Variants in MGAT5 observed in about 807,000 individuals in gnomAD.
MGAT5 encodes the protein alpha-1,6-mannosylglycoprotein 6-beta-N-acetylglucosaminyltransferase.
MGAT5 carries 30 observed loss-of-function variants against 94.3 expected under a neutral mutation model. That is an observed-to-expected ratio of 0.32 (90% CI 0.24 to 0.43). MGAT5 has a LOEUF of 0.43. MGAT5 is among the 20% of genes least tolerant of loss of function. MGAT5 has a pLI of 1.00. For synonymous variants in MGAT5, 310 were observed against 322.9 expected, an observed-to-expected ratio of 0.96 and a Z score of 0.43; for missense variants, 691 against 905.5, an observed-to-expected ratio of 0.76 and a Z score of 3.04.
chr2:134,435,482 CT>C (rs1170517800), intron 14 of MGAT5, among the ~76,000 whole-genome samples: 1 of 152,202 alleles, frequency 6.6e-6, no homozygotes, highest in African/African-American at 2.4e-5. Flanking sequence ...TTCTAGAATA[CT>C]TACCACCTTT....
At chr2:134,288,993 T>C (rs1573712669) in intron 2 of MGAT5, among the ~76,000 whole-genome samples, 1 of 152,338 alleles carries the variant, frequency 6.6e-6, no homozygotes, top group Admixed American at 6.5e-5. Flanking sequence ...ACCTAGAAGG[T>C]GAAAGACTTG....
intron 9 of MGAT5, among the ~76,000 whole-genome samples, chr2:134,359,591 T>G (rs74424974): frequency 0.016 from 2,396 of 152,330 alleles, 71 homozygotes; most frequent in African/African-American, 0.055. Flanking sequence ...AGTACAGGAT[T>G]TCCTGCATCC....
chr2:134,441,035 A>G (rs1396688985), intron 14 of MGAT5, among the ~76,000 whole-genome samples: 2 of 152,226 alleles, frequency 1.3e-5, no homozygotes, highest in Non-Finnish European at 2.9e-5. Context: ...TCTTGTTAAT[A>G]TCAATTAGCC....
chr2:134,256,010 C>A lies in MGAT5; in HGVS notation c.241+1366C>A, dbSNP rs78924447. 2.5e-3 allele frequency among the ~76,000 whole-genome samples: 377 copies of A among 152,224 alleles called. 1 individual carries two copies. Among genetic ancestry groups the A allele is most frequent in the African/African-American group, 8.7e-3 (362 of 41,526 alleles). On this transcript the variant is annotated intron_variant, in intron 1 of 15. Transcript: ENST00000281923. ...TGTATATATTAGAAGATGCTTACTTCTGAGGAACATTTTAGAAATTCTTTT... is the reference window on the plus strand; with the variant it reads ...TGTATATATTAGAAGATGCTTACTTATGAGGAACATTTTAGAAATTCTTTT...
At chr2:134,265,422 C>A (rs1411692763) in intron 1 of MGAT5, among the ~76,000 whole-genome samples, 1 of 152,150 alleles carries the variant, frequency 6.6e-6, no homozygotes, top group Non-Finnish European at 1.5e-5. Context: ...CACTTCTTAC[C>A]CATCAATACC....
intron 4 of MGAT5, among the ~76,000 whole-genome samples, chr2:134,333,795 A>G (rs922688984): frequency 1.3e-5 from 2 of 152,132 alleles, no homozygotes; most frequent in Admixed American, 6.5e-5. Context: ...AATGTTGCTC[A>G]TTTGAGAGCT....
chr2:134,439,494 C>T (rs1439808513), intron 14 of MGAT5, among the ~76,000 whole-genome samples: 1 of 152,124 alleles, frequency 6.6e-6, no homozygotes, highest in Non-Finnish European at 1.5e-5. Context: ...GTCAGGAGTT[C>T]GAGACCAGCC....
chr2:134,178,273 CA>C lies in MGAT5; in HGVS notation c.-143+57983del, dbSNP rs554768554. Among the ~76,000 whole-genome samples, 40 of 152,212 alleles carry C rather than the reference CA, an allele frequency of 2.6e-4. No homozygotes were observed. The East Asian group carries it at 6.2e-3, about 24-fold the overall frequency. On this transcript the variant is annotated intron_variant, in intron 1 of 16. Transcript: ENST00000409645. ...TAGGCATTTCTAACAGATTCTAATA[CA>C]GATAATTGCATATTTAGGTGATGAA...
rs1238072593 is a variant in MGAT5, at chr2:134,217,207, A to AG, written c.-142-37052dup. The stretch of plus-strand genomic sequence containing the variant: ...GTATTGCAAATGTGACTTGAGCAGA[A>AG]GGGATGAGTGGGGTCTGAGGGAGAG... On this transcript the variant is annotated intron_variant, in intron 1 of 16. Coordinates refer to the MGAT5 transcript ENST00000409645. 8.8e-5 allele frequency among the ~76,000 whole-genome samples: 13 copies of AG among 148,184 alleles called. No individual in the cohort carries two copies. In the South Asian group the frequency reaches 1.1e-3, roughly 12 times the overall value.
chr2:134,387,313 TATATATATATATA>T (rs1682061361), intron 10 of MGAT5, among the ~76,000 whole-genome samples: 1 of 43,062 alleles, frequency 2.3e-5, no homozygotes, highest in African/African-American at 9.5e-5. Flanking sequence ...TATATATATA[TATATATATATATA>T]TATATATTTT....
intron 10 of MGAT5, among the ~76,000 whole-genome samples, chr2:134,379,415 T>G (rs1573963700): frequency 6.6e-6 from 1 of 152,106 alleles, no homozygotes; most frequent in Non-Finnish European, 1.5e-5. Context: ...GACACAGAGG[T>G]CTTAGTGTAA....
chr2:134,284,792 A>G (rs1426342765), intron 2 of MGAT5, among the ~76,000 whole-genome samples: 1 of 152,136 alleles, frequency 6.6e-6, no homozygotes, highest in Non-Finnish European at 1.5e-5. Context: ...GTGCATCTCT[A>G]ATGTGCCCAT....
At chr2:134,163,058 A>G (rs1324335144) in intron 1 of MGAT5, among the ~76,000 whole-genome samples, 2 of 152,116 alleles carry the variant, frequency 1.3e-5, no homozygotes, top group African/African-American at 4.8e-5. Context: ...AAGAAGTGTA[A>G]GACGTGCCCT....
At chr2:134,332,035 G>A (rs199698294) in intron 4 of MGAT5, among the ~76,000 whole-genome samples, 2 of 152,002 alleles carry the variant, frequency 1.3e-5, no homozygotes, top group East Asian at 3.9e-4. Flanking sequence ...TAGATTCAAT[G>A]CCATCCCCAT....
chr2:134,316,078 A>C (rs1239761151), intron 2 of MGAT5, among the ~76,000 whole-genome samples: 2 of 152,206 alleles, frequency 1.3e-5, no homozygotes, highest in Non-Finnish European at 2.9e-5. Flanking sequence ...GGCAGTAGGT[A>C]ATGATATTTT....
At chr2:134,263,350 A>G (rs1250196490) in intron 1 of MGAT5, among the ~76,000 whole-genome samples, 1 of 152,232 alleles carries the variant, frequency 6.6e-6, no homozygotes, top group African/African-American at 2.4e-5. Flanking sequence ...ATTTCGATGC[A>G]TGGAAACTTC....
intron 1 of MGAT5, among the ~76,000 whole-genome samples, chr2:134,168,773 C>A (rs1272570565): frequency 6.6e-6 from 1 of 152,220 alleles, no homozygotes; most frequent in East Asian, 1.9e-4. Context: ...ACACTCTTTA[C>A]TTTGATGTTC....
chr2:134,438,817 A>C (rs1349768537), intron 14 of MGAT5, among the ~76,000 whole-genome samples: 1 of 152,188 alleles, frequency 6.6e-6, no homozygotes, highest in Non-Finnish European at 1.5e-5. Flanking sequence ...CCCACTGTGC[A>C]TCATTTTCAG....
intron 1 of MGAT5, among the ~76,000 whole-genome samples, chr2:134,267,658 C>A (rs1683799183): frequency 6.6e-6 from 1 of 152,178 alleles, no homozygotes; most frequent in Non-Finnish European, 1.5e-5. Flanking sequence ...ACTTCATATC[C>A]TACCTAGAGT....
Sources: allele counts gnomAD v4.1 joint callset (sites outside exome capture counted in the v4.1 genomes callset), GRCh38; gene constraint gnomAD v4.1.1; transcripts MANE v1.5; gene names NCBI Gene and HGNC (gene_info 2026-07-23, HGNC 2026-07-21).